The following IQCK variants were observed in gnomAD, a reference collection of about 807,000 sequenced individuals.
The protein encoded by IQCK is IQ motif containing K.
A neutral mutation model predicts 28.1 loss-of-function variants in IQCK; 29 were observed. That is an observed-to-expected ratio of 1.03 (90% CI 0.77 to 1.41). The LOEUF (loss-of-function observed/expected upper bound fraction) is 1.41, where lower values mean the gene tolerates loss of function less well. Among genes scored for constraint, IQCK ranks in the 40% most tolerant of loss-of-function variants. The probability of loss-of-function intolerance (pLI) is 0.00; values close to 1 mark genes in which losing one functional copy is unlikely to be tolerated. For missense variants in IQCK, 359 were observed against 314.7 expected (o/e 1.14, Z -1.07); for synonymous variants, 113 against 115.1 (o/e 0.98, Z 0.12).
At chr16:19,858,264 CAACCTT>C (rs1468127984) in exon 10 of IQCK, 2 of 399,110 alleles carry the variant, frequency 5.0e-6, no homozygotes, top group Non-Finnish European at 4.4e-6. Context: ...AGCCCACTCT[CAACCTT>C]AAAAGCCAAA....
chr16:19,852,082 T>C (rs994153675), intron 9 of IQCK, among the ~76,000 whole-genome samples: 8 of 152,204 alleles, frequency 5.3e-5, no homozygotes, highest in Non-Finnish European at 1.0e-4. Flanking sequence ...AGATTTTCAA[T>C]AGGATCTACT....
At position 19,853,935 on chromosome 16, in the gene IQCK, C is replaced by G. The variant is rs1176904105; in HGVS notation, c.803-2552C>G. On this transcript the variant is annotated intron_variant, in intron 9 of 9. Transcript: ENST00000320394. ...GAGCCACTGTGCCCAGCCTGTCTGCCAACTCTCTCTCTAGCAGCTTAAACT... is the reference window on the plus strand; with the variant it reads ...GAGCCACTGTGCCCAGCCTGTCTGCGAACTCTCTCTCTAGCAGCTTAAACT... 2.0e-5 allele frequency among the ~76,000 whole-genome samples: 3 copies of G among 152,204 alleles called. No individual in the cohort carries two copies. In the East Asian group the frequency reaches 5.8e-4, roughly 29 times the overall value.
At chr16:19,804,754 A>T (rs1455926833) in intron 7 of IQCK, among the ~76,000 whole-genome samples, 1 of 152,192 alleles carries the variant, frequency 6.6e-6, no homozygotes, top group East Asian at 1.9e-4. Context: ...AGAAAAACAC[A>T]ATACCAGTGT....
chr16:19,809,260 C>G (rs1182287999), intron 7 of IQCK, among the ~76,000 whole-genome samples: 1 of 152,210 alleles, frequency 6.6e-6, no homozygotes, highest in African/African-American at 2.4e-5. Context: ...ACAAACCACT[C>G]TAATATTTAG....
chr16:19,725,998 C>T (rs749562400), intron 1 of IQCK, among the ~76,000 whole-genome samples: 3 of 151,382 alleles, frequency 2.0e-5, no homozygotes, highest in Non-Finnish European at 2.9e-5. Context: ...TCACCGCAAG[C>T]TCCACCTCCC....
chr16:19,760,169 G>T (rs2055116866), intron 4 of IQCK, among the ~76,000 whole-genome samples: 2 of 152,278 alleles, frequency 1.3e-5, no homozygotes, highest in African/African-American at 4.8e-5. Flanking sequence ...CAATGAGAAT[G>T]CTCAGAAAGG....
intron 9 of IQCK, among the ~76,000 whole-genome samples, chr16:19,833,494 C>G (rs549853126): frequency 6.6e-6 from 1 of 152,248 alleles, no homozygotes; most frequent in East Asian, 1.9e-4. Context: ...ATTGTGTCCT[C>G]AAGATTAAGT....
chr16:19,818,027 CTTGT>C (rs2056012726), intron 7 of IQCK, among the ~76,000 whole-genome samples: 2 of 151,930 alleles, frequency 1.3e-5, no homozygotes, highest in Non-Finnish European at 2.9e-5. Context: ...TATGGGTATT[CTTGT>C]GTGCTTAGAT....
intron 3 of IQCK, 22 bp from the exon 4 acceptor site, chr16:19,735,331 A>G (rs780994833): frequency 1.1e-5 from 17 of 1,562,354 alleles, no homozygotes; most frequent in East Asian, 4.5e-5. Context: ...TTGCAGGGGG[A>G]ATTTTTGTTT....
chr16:19,853,016 T>C (rs2056506402), intron 9 of IQCK, among the ~76,000 whole-genome samples: 1 of 152,188 alleles, frequency 6.6e-6, no homozygotes, highest in African/African-American at 2.4e-5. Context: ...TAGACCACAA[T>C]TGGTTTATCC....
chr16:19,745,735 C>G (rs1443273748), intron 4 of IQCK, among the ~76,000 whole-genome samples: 1 of 152,168 alleles, frequency 6.6e-6, no homozygotes, highest in Non-Finnish European at 1.5e-5. Flanking sequence ...CTGGGCAGTT[C>G]TGGTGCTCTC....
intron 9 of IQCK, among the ~76,000 whole-genome samples, chr16:19,835,243 A>G (rs1246594817): frequency 6.6e-6 from 1 of 152,114 alleles, no homozygotes; most frequent in Non-Finnish European, 1.5e-5. Context: ...AGATCACACT[A>G]CTGCACTCTA....
At chr16:19,741,314 A>G (rs933919595) in intron 4 of IQCK, among the ~76,000 whole-genome samples, 3 of 152,178 alleles carry the variant, frequency 2.0e-5, no homozygotes, top group South Asian at 2.1e-4. Context: ...TTACTTGGCC[A>G]TTATTCTTCT....
chr16:19,836,662 C>CCT (rs1567198753), intron 9 of IQCK, among the ~76,000 whole-genome samples: 13 of 152,052 alleles, frequency 8.5e-5, no homozygotes, highest in Non-Finnish European at 1.3e-4. Context: ...TACAGGCGCA[C>CCT]GCCACCACGC....
chr16:19,730,059 A>C (rs993224731), intron 1 of IQCK, among the ~76,000 whole-genome samples: 1 of 147,258 alleles, frequency 6.8e-6, no homozygotes, highest in Non-Finnish European at 1.5e-5. Flanking sequence ...GGGTTCAAGC[A>C]ATTCTCCTGC....
At chr16:19,802,255 GTTA>G (rs1037865756) in intron 7 of IQCK, among the ~76,000 whole-genome samples, 1 of 28,584 alleles carries the variant, frequency 3.5e-5, no homozygotes, top group Non-Finnish European at 6.4e-5. Flanking sequence ...AACGTGTCAG[GTTA>G]TTAACCCATT....
intron 7 of IQCK, among the ~76,000 whole-genome samples, chr16:19,815,413 G>A (rs2055973174): frequency 6.6e-6 from 1 of 152,192 alleles, no homozygotes; most frequent in Admixed American, 6.5e-5. Flanking sequence ...CATTTTAGGA[G>A]GTGGAAGTGA....
chr16:19,850,671 C>T (rs905380085), intron 9 of IQCK, among the ~76,000 whole-genome samples: 2 of 152,058 alleles, frequency 1.3e-5, no homozygotes, highest in African/African-American at 4.8e-5. Context: ...TTTTTTCTGC[C>T]TCACCTTCTA....
chr16:19,724,024 G>T (rs953662397), intron 1 of IQCK, among the ~76,000 whole-genome samples: 1 of 151,758 alleles, frequency 6.6e-6, no homozygotes, highest in Non-Finnish European at 1.5e-5. Context: ...AGACTCCTTG[G>T]GGGTGAGTCT....
Sources: gnomAD v4.1 joint callset for allele counts (sites outside exome capture counted in the v4.1 genomes callset) on GRCh38, gnomAD v4.1.1 for gene constraint, MANE v1.5 for transcripts, NCBI Gene and HGNC (gene_info 2026-07-23, HGNC 2026-07-21) for gene names.